The following CTNNA3 variants were observed in gnomAD, a reference collection of about 807,000 sequenced individuals.
CTNNA3 encodes the protein catenin alpha 3, also known as catenin alpha-3.
In CTNNA3, 76 loss-of-function variants were observed where a neutral mutation model predicts 95.7. The observed-to-expected ratio is 0.79, with a 90% confidence interval of 0.66 to 0.96. The LOEUF is 0.96. Among genes scored for constraint, CTNNA3 ranks in the 40% least tolerant of loss-of-function variants. The pLI is 0.00. For missense variants in CTNNA3, 1,191 were observed against 1,089.8 expected (o/e 1.09, Z -1.31); for synonymous variants, 431 against 374.4 (o/e 1.15, Z -1.74).
At position 66,188,013 on chromosome 10, in the gene CTNNA3, A is replaced by G. The variant is rs746900215; in HGVS notation, c.1885-84764T>C. Among the ~76,000 whole-genome samples the G allele has an allele frequency of 3.9e-5, 6 of 152,182 alleles. No individual in the cohort carries two copies. In the South Asian group the frequency reaches 1.2e-3, roughly 32 times the overall value. ...TATGGAAGTAAGTCTCACAAAACAA[A>G]GACTTAGAAATAAAGAGACAGAAAA... On this transcript the variant is annotated intron_variant, in intron 13 of 17. Coordinates refer to ENST00000433211, the MANE Select transcript of CTNNA3 (RefSeq NM_013266.4).
intron 11 of CTNNA3, among the ~76,000 whole-genome samples, chr10:66,401,183 G>T (rs767013189): frequency 1.6e-4 from 25 of 151,952 alleles, no homozygotes; most frequent in South Asian, 8.3e-4. Context: ...TTAATAAAAT[G>T]GGGTTAATAA....
chr10:66,135,444 T>C (rs1460780473), intron 13 of CTNNA3, among the ~76,000 whole-genome samples: 1 of 152,210 alleles, frequency 6.6e-6, no homozygotes, highest in Admixed American at 6.5e-5. Flanking sequence ...GTAGTGTTAA[T>C]GTATTAAATC....
chr10:66,666,918 A>G (rs1846472338), intron 9 of CTNNA3, among the ~76,000 whole-genome samples: 1 of 152,158 alleles, frequency 6.6e-6, no homozygotes, highest in African/African-American at 2.4e-5. Flanking sequence ...GGAAGTGATC[A>G]GAAAAAAACA....
chr10:66,708,303 G>C (rs532020652), intron 9 of CTNNA3, among the ~76,000 whole-genome samples: 1 of 151,814 alleles, frequency 6.6e-6, no homozygotes, highest in African/African-American at 2.4e-5. Context: ...GCGGCTAAAA[G>C]TCCAAAATCA....
chr10:66,838,622 C>T (rs1842954926), intron 7 of CTNNA3, among the ~76,000 whole-genome samples: 1 of 152,086 alleles, frequency 6.6e-6, no homozygotes, highest in South Asian at 2.1e-4. Context: ...ATGTATAATA[C>T]ATTTGCCCAC....
intron 17 of CTNNA3, among the ~76,000 whole-genome samples, chr10:65,940,847 A>C (rs2077418931): frequency 6.6e-6 from 1 of 152,226 alleles, no homozygotes; most frequent in African/African-American, 2.4e-5. Context: ...CAGCCTGTTC[A>C]TTGAACCCTT....
intron 1 of CTNNA3, among the ~76,000 whole-genome samples, chr10:67,725,567 T>C (rs940586554): frequency 6.6e-6 from 1 of 152,040 alleles, no homozygotes; most frequent in Non-Finnish European, 1.5e-5. Flanking sequence ...ATTTGTCACA[T>C]ATCAGAGTCC....
chr10:66,163,062 C>T (rs1164964703), intron 13 of CTNNA3, among the ~76,000 whole-genome samples: 1 of 152,070 alleles, frequency 6.6e-6, no homozygotes, highest in Non-Finnish European at 1.5e-5. Flanking sequence ...CCCATGGTAC[C>T]CCTGCAACAG....
intron 5 of CTNNA3, among the ~76,000 whole-genome samples, chr10:67,473,631 A>G (rs1847908285): frequency 1.3e-5 from 2 of 152,226 alleles, no homozygotes; most frequent in Admixed American, 1.3e-4. Flanking sequence ...GGCCCTACAT[A>G]TTCACAGATT....
intron 11 of CTNNA3, among the ~76,000 whole-genome samples, chr10:66,432,502 C>G (rs1300477805): frequency 6.6e-6 from 1 of 151,772 alleles, no homozygotes; most frequent in Non-Finnish European, 1.5e-5. Flanking sequence ...ACTAAAAATA[C>G]AAAAAATTAG....
intron 9 of CTNNA3, among the ~76,000 whole-genome samples, chr10:66,704,387 C>A (rs1160306704): frequency 6.6e-6 from 1 of 152,110 alleles, no homozygotes; most frequent in Non-Finnish European, 1.5e-5. Flanking sequence ...ACAGAGGGAA[C>A]TGCAGGAGTT....
At chr10:66,718,139 C>CT (rs5785781) in intron 9 of CTNNA3, among the ~76,000 whole-genome samples, 127,783 of 149,820 alleles carry the variant, frequency 0.85, 54,568 homozygotes, top group East Asian at 0.91. Flanking sequence ...CTGTATTAAC[C>CT]TTTTTTTTTT....
rs536871016 is a variant in CTNNA3 at position 67,053,335 on chromosome 10, C to T, written c.1047+126982G>A. ...GGACATTACTGGAAAAATCTGATTC[C>T]ATTGATCTGAGGTGAGATAGAAGAA... On this transcript the variant is annotated intron_variant, in intron 7 of 17. Transcript: ENST00000433211. Among the ~76,000 whole-genome samples the T allele has an allele frequency of 9.2e-5, 14 of 152,222 alleles. No homozygotes were observed. In the South Asian group the frequency reaches 1.5e-3, roughly 16 times the overall value.
intron 7 of CTNNA3, among the ~76,000 whole-genome samples, chr10:67,124,370 GT>G (rs1424940675): frequency 6.5e-4 from 98 of 150,170 alleles, no homozygotes; most frequent in African/African-American, 2.3e-3. Context: ...GTGTGTGTGT[GT>G]GTGGTCTATA....
intron 11 of CTNNA3, among the ~76,000 whole-genome samples, chr10:66,483,124 G>A (rs900424817): frequency 2.6e-5 from 4 of 152,148 alleles, no homozygotes; most frequent in African/African-American, 9.7e-5. Flanking sequence ...CAGACTTGAT[G>A]GTTATTCTAA....
chr10:66,097,637 G>A lies in CTNNA3; in HGVS notation c.1977+5520C>T, dbSNP rs545452671. On this transcript the variant is annotated intron_variant, in intron 14 of 17. Coordinates refer to ENST00000433211, the MANE Select transcript of CTNNA3 (RefSeq NM_013266.4). ...TATACATTACAGTAGTTCTATAAAA[G>A]GCAAGTCATTTGCTCACCTATTCTA... Among the ~76,000 whole-genome samples, 108 of 152,048 alleles carry A rather than the reference G, an allele frequency of 7.1e-4. 1 individual carries two copies. The highest frequency in any genetic ancestry group is 2.5e-3 in the African/African-American group (103 of 41,478).
chr10:66,198,851 T>G (rs1252950170), intron 13 of CTNNA3, among the ~76,000 whole-genome samples: 15 of 152,210 alleles, frequency 9.9e-5, no homozygotes, highest in Non-Finnish European at 1.5e-5. Flanking sequence ...CTTCATCATT[T>G]TAGTGAGAAC....
At chr10:66,819,116 G>C (rs956405571) in intron 7 of CTNNA3, among the ~76,000 whole-genome samples, 1 of 140,272 alleles carries the variant, frequency 7.1e-6, no homozygotes, top group South Asian at 2.3e-4. Flanking sequence ...AAAAAAAAAA[G>C]GTTGGAGTAG....
chr10:66,484,096 C>T (rs1839640392), intron 11 of CTNNA3, among the ~76,000 whole-genome samples: 1 of 151,816 alleles, frequency 6.6e-6, no homozygotes, highest in Non-Finnish European at 1.5e-5. Flanking sequence ...CCAAGTTAAG[C>T]AAAATAAAAT....
Sources: gnomAD v4.1 joint callset for allele counts (sites outside exome capture counted in the v4.1 genomes callset) on GRCh38, gnomAD v4.1.1 for gene constraint, MANE v1.5 for transcripts, NCBI Gene and HGNC (gene_info 2026-07-23, HGNC 2026-07-21) for gene names.